Variants in SYNJ1 observed in about 807,000 individuals in gnomAD.
The protein encoded by SYNJ1 is synaptojanin 1, also known as polyphosphatidylinositol phosphatase SYNJ1.
SYNJ1 carries 78 observed loss-of-function variants against 168.2 expected under a neutral mutation model. The observed-to-expected ratio is 0.46, with a 90% CI of 0.39 to 0.56. The LOEUF (loss-of-function observed/expected upper bound fraction) is 0.56, where lower values mean the gene tolerates loss of function less well. Among genes scored for constraint, SYNJ1 ranks in the 20% least tolerant of loss-of-function variants. The pLI is 0.00. For missense variants in SYNJ1, 1,303 were observed against 1,597.6 expected, an observed-to-expected ratio of 0.82 and a Z score of 3.14; for synonymous variants, 539 against 548.6, an observed-to-expected ratio of 0.98 and a Z score of 0.24.
At chr21:32,694,964 T>G in intron 5 of SYNJ1, 93 bp downstream of exon 5, 1 of 1,241,862 alleles carries the variant, frequency 8.1e-7, no homozygotes, top group Non-Finnish European at 1.1e-6. Context: ...GATGTTAAAA[T>G]AAGCTCCGAA....
Position 32,701,949 on chromosome 21 carries a change from T to C in SYNJ1, c.211+12A>G. On this transcript the variant is annotated intron_variant, in intron 3 of 32. Transcript: ENST00000674351. ...GAAAAAATGGATGAATTCTACTGAA[T>C]GATAAACTTACCAAGATTTAACCGC... 1 of 1,525,696 alleles carries C rather than the reference T, an allele frequency of 6.6e-7. No homozygotes were observed. The highest frequency in any genetic ancestry group is 8.9e-7 in the Non-Finnish European group (1 of 1,126,236). 94.5% of individuals were successfully genotyped at this position (1,525,696 alleles called of 1,614,324 possible). A position where few individuals can be genotyped will look rare whatever the true frequency, so the allele number is the denominator to read the frequency against.
rs766938091 is a variant in SYNJ1, at chr21:32,631,116, G to A, written c.*689C>T. 9 of 1,614,142 alleles carry A rather than the reference G, an allele frequency of 5.6e-6. No homozygotes were observed. The highest frequency in any genetic ancestry group is 5.5e-5 in the South Asian group (5 of 91,074). On this transcript the variant is annotated 3_prime_UTR_variant, in exon 33 of 33. Coordinates refer to ENST00000674351, the MANE Select transcript of SYNJ1 (RefSeq NM_203446.3). ...AGGAGGTGGAGGAGGTCTTCTTGACGGCAACACACAGAAGGAGACATTTGT... is the reference window on the plus strand; with the variant it reads ...AGGAGGTGGAGGAGGTCTTCTTGACAGCAACACACAGAAGGAGACATTTGT...
chr21:32,679,009 AC>A (rs2041521619), intron 11 of SYNJ1, among the ~76,000 whole-genome samples: 1 of 152,210 alleles, frequency 6.6e-6, no homozygotes, highest in South Asian at 2.1e-4. Context: ...AAAGCTCTGC[AC>A]AAAGAAATGA....
chr21:32,680,722 T>A (rs1002569459), intron 11 of SYNJ1, among the ~76,000 whole-genome samples: 1 of 152,100 alleles, frequency 6.6e-6, no homozygotes, highest in African/African-American at 2.4e-5. Context: ...TTCAAGTGAT[T>A]CTCATGCCTC....
chr21:32,700,670 C>T (rs544770982), intron 3 of SYNJ1, among the ~76,000 whole-genome samples: 6 of 152,054 alleles, frequency 3.9e-5, no homozygotes, highest in East Asian at 3.9e-4. Context: ...AAAAACCACA[C>T]GAACAAACAA....
intron 2 of SYNJ1, among the ~76,000 whole-genome samples, chr21:32,703,523 T>A (rs149919305): frequency 9.6e-4 from 146 of 152,304 alleles, no homozygotes; most frequent in African/African-American, 3.4e-3. Flanking sequence ...TTAGAGAGAC[T>A]TGTTATACCT....
intron 21 of SYNJ1, chr21:32,654,151 TGA>T (rs1257630185): frequency 6.6e-6 from 1 of 151,912 alleles, no homozygotes; most frequent in African/African-American, 2.4e-5. Flanking sequence ...TTTTCCACAA[TGA>T]GAGGAAAACA....
At chr21:32,715,201 G>A (rs1044732394) in intron 2 of SYNJ1, among the ~76,000 whole-genome samples, 3 of 152,160 alleles carry the variant, frequency 2.0e-5, no homozygotes, top group South Asian at 4.1e-4. Flanking sequence ...GGCCGGGCAC[G>A]GTGGCTCACG....
intron 14 of SYNJ1, among the ~76,000 whole-genome samples, chr21:32,672,584 C>A (rs2145976114): frequency 6.6e-6 from 1 of 152,276 alleles, no homozygotes; most frequent in Admixed American, 6.5e-5. Flanking sequence ...AGGTGATCCA[C>A]CTGCCTCGGC....
chr21:32,667,228 A>G (rs886093657), intron 15 of SYNJ1, among the ~76,000 whole-genome samples: 2 of 152,166 alleles, frequency 1.3e-5, no homozygotes, highest in Non-Finnish European at 2.9e-5. Context: ...AACTGTGCAC[A>G]TATATGTGAC....
At chr21:32,672,585 C>CT (rs1221165661) in intron 14 of SYNJ1, among the ~76,000 whole-genome samples, 2 of 152,180 alleles carry the variant, frequency 1.3e-5, no homozygotes, top group Non-Finnish European at 2.9e-5. Flanking sequence ...GGTGATCCAC[C>CT]TGCCTCGGCC....
chr21:32,638,558 A>T (rs1475114429), intron 31 of SYNJ1, among the ~76,000 whole-genome samples: 1 of 152,056 alleles, frequency 6.6e-6, no homozygotes. Flanking sequence ...TTAGCCGGGC[A>T]TGGTGGCAGG....
intron 21 of SYNJ1, chr21:32,653,645 C>T (rs958957431): frequency 2.1e-5 from 6 of 286,894 alleles, no homozygotes; most frequent in African/African-American, 1.3e-4. Context: ...CCATCCAATC[C>T]TCCATTTCAT....
chr21:32,656,927 G>A (rs1404369792), intron 20 of SYNJ1, 25 bp from the exon 21 acceptor site: 2 of 1,611,182 alleles, frequency 1.2e-6, no homozygotes, highest in Admixed American at 1.7e-5. Flanking sequence ...GAAGATAGAT[G>A]TATTAGAAAT....
chr21:32,637,976 C>T (rs2039655708), intron 31 of SYNJ1, among the ~76,000 whole-genome samples: 1 of 152,150 alleles, frequency 6.6e-6, no homozygotes, highest in Non-Finnish European at 1.5e-5. Flanking sequence ...TAAATGTAAA[C>T]TATTACTTAT....
intron 1 of SYNJ1, 94 bp downstream of exon 1, chr21:32,727,852 T>C: frequency 6.6e-7 from 1 of 1,505,240 alleles, no homozygotes; most frequent in Non-Finnish European, 8.8e-7. Context: ...CCGCTGACGC[T>C]GCGGAGGCAG....
intron 9 of SYNJ1, among the ~76,000 whole-genome samples, chr21:32,684,909 G>A (rs2041765594): frequency 1.3e-5 from 2 of 152,042 alleles, no homozygotes; most frequent in South Asian, 2.1e-4. Context: ...GCCGGGCGCG[G>A]TGGCTCACGC....
At chr21:32,719,096 T>C (rs2043124634) in intron 2 of SYNJ1, among the ~76,000 whole-genome samples, 1 of 152,162 alleles carries the variant, frequency 6.6e-6, no homozygotes, top group Admixed American at 6.5e-5. Context: ...AAAAGCACAA[T>C]CTGAACTGAA....
intron 23 of SYNJ1, among the ~76,000 whole-genome samples, chr21:32,647,754 A>G (rs924322356): frequency 2.0e-5 from 3 of 152,138 alleles, no homozygotes; most frequent in Non-Finnish European, 2.9e-5. Context: ...TCTTTCTGTG[A>G]TAACACTTGG....
Sources: allele counts gnomAD v4.1 joint callset (sites outside exome capture counted in the v4.1 genomes callset), GRCh38; gene constraint gnomAD v4.1.1; transcripts MANE v1.5; gene names NCBI Gene and HGNC (gene_info 2026-07-23, HGNC 2026-07-21).